FN1: variants seen among roughly 807,000 people sequenced by gnomAD.
FN1 encodes the protein fibronectin 1, also known as fibronectin.
FN1 carries 106 observed loss-of-function variants against 297.3 expected under a neutral mutation model. That is an observed-to-expected ratio of 0.36 (90% CI 0.30 to 0.42). The LOEUF is 0.42. FN1 is among the 10% of genes least tolerant of loss of function. FN1 has a pLI of 1.00. For missense variants in FN1, 2,690 were observed against 3,124.9 expected, an observed-to-expected ratio of 0.86 and a Z score of 3.32; for synonymous variants, 1,149 against 1,152.6, an observed-to-expected ratio of 1.00 and a Z score of 0.06.
chr2:215,400,046 G>C (rs1242073241), intron 20 of FN1, among the ~76,000 whole-genome samples: 2 of 151,964 alleles, frequency 1.3e-5, no homozygotes, highest in African/African-American at 2.4e-5. Context: ...AAAATTAACT[G>C]TCATGGTGGC....
intron 4 of FN1, 28 bp from the exon 5 acceptor site, chr2:215,430,880 GA>G: frequency 1.9e-6 from 3 of 1,612,430 alleles, no homozygotes; most frequent in South Asian, 1.1e-5. Context: ...AGAAAAACAG[GA>G]AAAAAAGGTT....
intron 9 of FN1, 52 bp downstream of exon 9, chr2:215,423,298 C>T (rs2064767278): frequency 3.2e-6 from 5 of 1,583,738 alleles, no homozygotes; most frequent in Non-Finnish European, 4.3e-6. Flanking sequence ...TCTTTAGTCT[C>T]TACTCCCTAA....
In FN1 at chr2:215,396,999, T is replaced by G. The variant is rs962975639; in HGVS notation, c.3604+138A>C. The G allele has an allele frequency of 5.3e-6, 4 of 757,852 alleles. No individual in the cohort carries two copies. In the African/African-American group the frequency reaches 6.8e-5, roughly 13 times the overall value. 46.9% of individuals were successfully genotyped at this position (757,852 alleles called of 1,614,324 possible). A position where few individuals can be genotyped will look rare whatever the true frequency, so the allele number is the denominator to read the frequency against. On this transcript the variant is annotated intron_variant, in intron 23 of 45. Coordinates refer to ENST00000354785, the MANE Select transcript of FN1 (RefSeq NM_212482.4). ...GCAGGCTGCTCCATGATGTACATCA[T>G]GTACTGCTATAGTTTTTATGGAGAG... is the stretch of plus-strand genomic sequence containing the variant.
Position 215,399,248 on chromosome 2 carries a change from G to A in FN1, c.3348+9C>T. 6.3e-7 allele frequency: 1 copy of A among 1,593,640 alleles called. No homozygotes were observed. ...TGTATCACAGAGATTAGGAACATCT[G>A]CAGTTTACCTTAAAACCAATTCTTG... On this transcript the variant is annotated intron_variant, in intron 21 of 45. Transcript: ENST00000354785.
At position 215,434,101 on chromosome 2, in the gene FN1, AAAAAC is replaced by A. The variant is rs528774440; in HGVS notation, c.277+590_277+594del. On this transcript the variant is annotated intron_variant, in intron 2 of 45. Transcript: ENST00000354785. ...TGGTGACAGAGCAAGACTCTGTCTC[AAAAAC>A]AAAACAAAACAAAAACAAACAAACA... 7.7e-3 allele frequency among the ~76,000 whole-genome samples: 1,173 copies of A among 152,320 alleles called. 14 individuals carry two copies. The highest frequency in any genetic ancestry group is 0.027 in the African/African-American group (1,105 of 41,572).
In FN1 at chr2:215,361,525, A is replaced by G. The variant is rs1372313989; in HGVS notation, c.*30T>C. 1 of 1,478,672 alleles carries G rather than the reference A, an allele frequency of 6.8e-7. No homozygotes were observed. The highest frequency in any genetic ancestry group is 9.5e-7 in the Non-Finnish European group (1 of 1,056,218). 91.6% of individuals were successfully genotyped at this position (1,478,672 alleles called of 1,614,324 possible). On this transcript the variant is annotated 3_prime_UTR_variant, in exon 46 of 46. Transcript: ENST00000354785. The stretch of plus-strand genomic sequence containing the variant: ...TTTAGATGGATCTTGGCAGAGAGAC[A>G]TGCTTGTTCCTCTGGATTGGAAAGA...
chr2:215,363,916 A>G (rs369506576), intron 44 of FN1, among the ~76,000 whole-genome samples: 2 of 152,302 alleles, frequency 1.3e-5, no homozygotes, highest in African/African-American at 4.8e-5. Context: ...CTTCCCATCT[A>G]TTTTCTTACC....
In FN1 at chr2:215,384,992, A is replaced by T; in HGVS notation, c.4613-16T>A. The T allele has an allele frequency of 6.5e-7, 1 of 1,534,792 alleles. No homozygotes were observed. The highest frequency in any genetic ancestry group is 1.1e-5 in the South Asian group (1 of 89,408). On this transcript the variant is annotated splice_polypyrimidine_tract_variant and intron_variant, in intron 28 of 45. Coordinates refer to ENST00000354785, the MANE Select transcript of FN1 (RefSeq NM_212482.4). ...ACATCAGAAACTAGAAAAAAAAGGG[A>T]AACTTTTCACATCCGTAATTTTCAA...
chr2:215,374,250 C>G (rs2056839406), intron 38 of FN1, among the ~76,000 whole-genome samples: 1 of 146,748 alleles, frequency 6.8e-6, no homozygotes, highest in Non-Finnish European at 1.5e-5. Flanking sequence ...ATGTCTGCTT[C>G]TATTTTCCTG....
At chr2:215,364,202 T>G (rs903150242) in intron 44 of FN1, among the ~76,000 whole-genome samples, 1 of 152,264 alleles carries the variant, frequency 6.6e-6, no homozygotes, top group Non-Finnish European at 1.5e-5. Context: ...TCATTTCCTC[T>G]GTTTTTCCTA....
Position 215,406,313 on chromosome 2 carries a change from C to T in FN1, c.2911G>A (p.Val971Ile), listed in dbSNP as rs1279779004. 2 of 1,614,152 alleles carry T rather than the reference C, an allele frequency of 1.2e-6. No homozygotes were observed. Among genetic ancestry groups the T allele is most frequent in the South Asian group, 2.2e-5 (2 of 91,086 alleles). Residue 971 changes from valine (V) to isoleucine (I), a missense_variant, in exon 19 of 46, where the codon GTC (valine) becomes ATC (isoleucine). Val to Ile is a conservative substitution (Grantham distance 29). Around this residue, in one of 3 missense-constraint regions of FN1, gnomAD observed 1,743 missense variants for 1,945.2 expected, o/e 0.90. Transcript: ENST00000354785. ...FAEVTGLSPG[V>I]TYYFKVFAVS... The stretch of plus-strand genomic sequence containing the variant: ...GCAAAGACTTTGAAGTAATAGGTGA[C>T]CCCAGGGGACAGCCCGGTGACTTCT...
chr2:215,391,836 G>C, intron 25 of FN1, 22 bp from the exon 26 acceptor site: 1 of 1,609,736 alleles, frequency 6.2e-7, no homozygotes, highest in Admixed American at 1.7e-5. Flanking sequence ...CAAGAAGGAA[G>C]ACTCAGTTAA....
Position 215,386,947 on chromosome 2 carries a change from G to T in FN1, c.4354C>A (p.Pro1452Thr). The change falls in exon 28 of 46, where the codon CCA becomes ACA. Residue 1452 changes from proline to threonine, a missense_variant. Around this residue, in one of 3 missense-constraint regions of FN1, gnomAD observed 1,743 missense variants for 1,945.2 expected, o/e 0.90. Coordinates refer to ENST00000354785, the MANE Select transcript of FN1 (RefSeq NM_212482.4). Reference sequence around the variant, plus strand: ...ATATCAGAAAAGTCAATGCCAGTTGGGGAATCAAGACCTGTTTTTCCCACC... The same window carrying T: ...ATATCAGAAAAGTCAATGCCAGTTGTGGAATCAAGACCTGTTTTTCCCACC... Reference protein sequence around the residue: ...RGRQKTGLDSPTGIDFSDITA... With the variant: ...RGRQKTGLDSTTGIDFSDITA... 1 of 1,611,660 alleles carries T rather than the reference G, an allele frequency of 6.2e-7. No individual in the cohort carries two copies. Among genetic ancestry groups the T allele is most frequent in the East Asian group, 2.2e-5 (1 of 44,726 alleles).
intron 5 of FN1, among the ~76,000 whole-genome samples, chr2:215,429,396 T>A (rs1012149140): frequency 3.5e-4 from 54 of 152,340 alleles, no homozygotes; most frequent in African/African-American, 1.3e-3. Context: ...ATAATCCAAA[T>A]TTGCTCTGTG....
At chr2:215,380,786 C>T in intron 33 of FN1, 25 bp downstream of exon 33, 3 of 1,612,240 alleles carry the variant, frequency 1.9e-6, no homozygotes, top group Non-Finnish European at 2.5e-6. Flanking sequence ...CCCATGGGCA[C>T]CTGGTGGTGC....
chr2:215,373,484 A>G, intron 38 of FN1, 73 bp from the exon 39 acceptor site: 1 of 1,238,056 alleles, frequency 8.1e-7, no homozygotes, highest in South Asian at 1.2e-5. Flanking sequence ...TCTCACCAGC[A>G]GACGCTACTG....
intron 13 of FN1, among the ~76,000 whole-genome samples, chr2:215,414,434 T>C (rs2063139721): frequency 6.6e-6 from 1 of 151,032 alleles, no homozygotes; most frequent in Non-Finnish European, 1.5e-5. Flanking sequence ...TTAATTTGGC[T>C]TTTTTTTTCA....
At chr2:215,391,976 G>T in intron 25 of FN1, 162 bp from the exon 26 acceptor site, 1 of 676,308 alleles carries the variant, frequency 1.5e-6, no homozygotes. Flanking sequence ...GTGTACTACT[G>T]TTAAAAATAA....
At chr2:215,382,471 G>A in intron 31 of FN1, 146 bp from the exon 32 acceptor site, 1 of 676,666 alleles carries the variant, frequency 1.5e-6, no homozygotes, top group East Asian at 2.8e-5. Flanking sequence ...GTCAGACTTT[G>A]ATTTCCTCTT....
Sources: gnomAD v4.1 joint callset for allele counts (sites outside exome capture counted in the v4.1 genomes callset) on GRCh38, gnomAD v4.1.1 for gene constraint, gnomAD v4.1.1 regional missense constraint, MANE v1.5 for transcripts, NCBI Gene and HGNC (gene_info 2026-07-23, HGNC 2026-07-21) for gene names.